The following DCLK3 variants were observed in gnomAD, a reference collection of about 807,000 sequenced individuals.
The protein encoded by DCLK3 is serine/threonine-protein kinase DCLK3.
A neutral mutation model predicts 46.4 loss-of-function variants in DCLK3; 30 were observed. That is an observed-to-expected ratio of 0.65 (90% CI 0.48 to 0.88). DCLK3 has a LOEUF of 0.88. DCLK3 is among the 40% of genes least tolerant of loss of function. The pLI, the probability that DCLK3 is intolerant of heterozygous loss-of-function variation, is 0.00. For missense variants in DCLK3, 846 were observed against 907.1 expected (o/e 0.93, Z 0.87); for synonymous variants, 401 against 339.2 (o/e 1.18, Z -2.00).
At chr3:36,746,886 C>T (rs1283493052) in intron 1 of DCLK3, among the ~76,000 whole-genome samples, 3 of 152,160 alleles carry the variant, frequency 2.0e-5, no homozygotes, top group Admixed American at 6.5e-5. Flanking sequence ...CTGGGTGGGG[C>T]CTGACAGTCT....
At chr3:36,729,232 G>C (rs1402919867) in intron 2 of DCLK3, among the ~76,000 whole-genome samples, 1 of 127,908 alleles carries the variant, frequency 7.8e-6, no homozygotes, top group Non-Finnish European at 1.6e-5. Context: ...GGGTTTTCCC[G>C]GGTTGTGTGT....
intron 2 of DCLK3, chr3:36,729,732 A>T (rs1379727326): frequency 6.6e-6 from 1 of 152,170 alleles, no homozygotes; most frequent in African/African-American, 2.4e-5. Flanking sequence ...TATCTTTGCC[A>T]CCTTCTTACT....
chr3:36,762,816 A>C, intron 1 of DCLK3, among the ~76,000 whole-genome samples: 1 of 152,228 alleles, frequency 6.6e-6, no homozygotes, highest in Non-Finnish European at 1.5e-5. Flanking sequence ...AAATGAAAGG[A>C]GTTACAGAAC....
At chr3:36,719,066 T>C (rs1701024882) in intron 3 of DCLK3, among the ~76,000 whole-genome samples, 1 of 152,210 alleles carries the variant, frequency 6.6e-6, no homozygotes. Flanking sequence ...TAAATCCCTA[T>C]GTTGTAATTT....
In DCLK3 at chr3:36,717,238, C is replaced by T. The variant is rs1006909785; in HGVS notation, c.2260+772G>A. On this transcript the variant is annotated intron_variant, in intron 4 of 4. Coordinates refer to ENST00000636136, the MANE Select transcript of DCLK3 (RefSeq NM_001394672.2). ...TTAAGTGGTCCTCCTGCCTCAGCCTCCAGAGCAACTGGGACCACCCCTGGC... is the reference window on the plus strand; with the variant it reads ...TTAAGTGGTCCTCCTGCCTCAGCCTTCAGAGCAACTGGGACCACCCCTGGC... 3.6e-4 allele frequency among the ~76,000 whole-genome samples: 55 copies of T among 152,148 alleles called. 1 individual carries two copies. Among genetic ancestry groups the T allele is most frequent in the Admixed American group, 3.5e-3 (54 of 15,288 alleles).
intron 4 of DCLK3, among the ~76,000 whole-genome samples, chr3:36,717,298 G>A (rs902987418): frequency 2.0e-5 from 3 of 151,958 alleles, no homozygotes; most frequent in Non-Finnish European, 2.9e-5. Flanking sequence ...AAGGGGTATC[G>A]CCAGTTGCCC....
At chr3:36,730,191 TATACACACAC>T (rs1473958625) in intron 2 of DCLK3, among the ~76,000 whole-genome samples, 11 of 108,882 alleles carry the variant, frequency 1.0e-4, no homozygotes, top group South Asian at 5.7e-4. Flanking sequence ...ATACACCATA[TATACACACAC>T]ACACACACAC....
At chr3:36,725,167 G>A (rs867217688) in intron 2 of DCLK3, among the ~76,000 whole-genome samples, 25 of 152,038 alleles carry the variant, frequency 1.6e-4, no homozygotes, top group Non-Finnish European at 2.9e-4. Context: ...CAAAAAATTA[G>A]CCAGCCTGAT....
intron 2 of DCLK3, among the ~76,000 whole-genome samples, chr3:36,723,379 A>G (rs1347123259): frequency 1.3e-5 from 2 of 152,240 alleles, no homozygotes; most frequent in African/African-American, 4.8e-5. Flanking sequence ...CCATTTTCCA[A>G]GGATAAATTA....
At chr3:36,760,057 C>A (rs1339556845) in intron 1 of DCLK3, among the ~76,000 whole-genome samples, 1 of 152,230 alleles carries the variant, frequency 6.6e-6, no homozygotes, top group Admixed American at 6.5e-5. Flanking sequence ...GAATTTCCTC[C>A]AGGAGGCTGG....
At chr3:36,753,134 AAC>A (rs1701457804) in intron 1 of DCLK3, among the ~76,000 whole-genome samples, 1 of 152,244 alleles carries the variant, frequency 6.6e-6, no homozygotes, top group East Asian at 1.9e-4. Context: ...AGGTTAAAAA[AAC>A]ACAATGCCAA....
chr3:36,761,579 CG>C (rs979550898), intron 1 of DCLK3, among the ~76,000 whole-genome samples: 1 of 152,186 alleles, frequency 6.6e-6, no homozygotes, highest in African/African-American at 2.4e-5. Context: ...CACCAGCAGA[CG>C]GGCAAAATTT....
At position 36,721,609 on chromosome 3, in the gene DCLK3, T is replaced by C; in HGVS notation, c.2010A>G (p.Gly670=). Residue 670 remains glycine, a synonymous_variant, in exon 3 of 5, where the codon GGA becomes GGG. Coordinates refer to ENST00000636136, the MANE Select transcript of DCLK3 (RefSeq NM_001394672.2). ...TAGGTCTCACCACATGCTTTGCAAGTCCAAAATCAGCCAATTTCAAGGTAG... is the reference window on the plus strand; with the variant it reads ...TAGGTCTCACCACATGCTTTGCAAGCCCAAAATCAGCCAATTTCAAGGTAG... The part of the protein sequence containing the change: ...KSTTLKLADF[G]LAKHVVRPIF... 6.2e-7 allele frequency: 1 copy of C among 1,614,156 alleles called. No individual in the cohort carries two copies. Among genetic ancestry groups the C allele is most frequent in the Non-Finnish European group, 8.5e-7 (1 of 1,180,022 alleles).
At chr3:36,747,111 C>T (rs553537477) in intron 1 of DCLK3, among the ~76,000 whole-genome samples, 3 of 152,068 alleles carry the variant, frequency 2.0e-5, no homozygotes, top group Non-Finnish European at 4.4e-5. Flanking sequence ...AGCCACGGTT[C>T]CTTTGACAAA....
At chr3:36,734,472 A>ATATGGCTGCATAT (rs1387228560) in intron 2 of DCLK3, among the ~76,000 whole-genome samples, 2 of 152,186 alleles carry the variant, frequency 1.3e-5, no homozygotes, top group Non-Finnish European at 2.9e-5. Context: ...AGCTTTCTAC[A>ATATGGCTGCATAT]GTTTCTGAAG....
At position 36,737,887 on chromosome 3, in the gene DCLK3, C is replaced by T; in HGVS notation, c.1280G>A (p.Arg427Lys). Residue 427 changes from arginine to lysine, a missense_variant, in exon 2 of 5, where the codon AGG (arginine) becomes AAG (lysine). Around this residue, in one of 3 missense-constraint regions of DCLK3, gnomAD observed 553 missense variants for 543.0 expected, o/e 1.02. Coordinates refer to ENST00000636136, the MANE Select transcript of DCLK3 (RefSeq NM_001394672.2). The surrounding 1 kb of genome is among the most constrained non-coding windows in gnomAD (Gnocchi z 4.4). Reference protein sequence around the residue: ...EVLPVTEEGLREVKKDTRPMS... With the variant: ...EVLPVTEEGLKEVKKDTRPMS... ...GGGCCTGGTGTCCTTCTTCACCTCCCTCAGCCCCTCCTCTGTGACAGGAAG... is the reference window on the plus strand; with the variant it reads ...GGGCCTGGTGTCCTTCTTCACCTCCTTCAGCCCCTCCTCTGTGACAGGAAG... 1 of 1,614,040 alleles carries T rather than the reference C, an allele frequency of 6.2e-7. No individual in the cohort carries two copies. Among genetic ancestry groups the T allele is most frequent in the South Asian group, 1.1e-5 (1 of 91,078 alleles).
rs779849738 is a variant in DCLK3 at position 36,738,703 on chromosome 3, C to T, written c.464G>A (p.Arg155Lys). 1.8e-5 allele frequency: 24 copies of T among 1,323,434 alleles called. No homozygotes were observed. The highest frequency in any genetic ancestry group is 1.4e-4 in the East Asian group (5 of 35,770). The allele number at this position is 1,323,434 out of a possible 1,614,324, so 82.0% of individuals were successfully genotyped here. ...KLFNLKGREI[R>K]SVSDFFREGD... ...TTCCCTGAAGAAATCAGAGACGCTC[C>T]TGATTTCCCTGCCCTTGAGGTTAAA... Residue 155 changes from arginine (R) to lysine (K), a missense_variant, in exon 2 of 5, where the codon AGG becomes AAG. By Grantham distance (26) the Arg-to-Lys change is conservative. Transcript: ENST00000636136.
At position 36,712,459 on chromosome 3, in the gene DCLK3, C is replaced by T. The variant is rs1239218493; in HGVS notation, c.*2869G>A. On this transcript the variant is annotated 3_prime_UTR_variant, in exon 5 of 5. Transcript: ENST00000636136. ...ACTTTATTGAGGTATAATTGACACA[C>T]AATAAACTGCACATAACAAAAGTGT... The T allele has an allele frequency of 6.6e-6, 1 of 152,158 alleles. No individual in the cohort carries two copies. Among genetic ancestry groups the T allele is most frequent in the Non-Finnish European group, 1.5e-5 (1 of 68,024 alleles). The allele number at this position is 152,158 out of a possible 1,614,324, so 9.4% of individuals were successfully genotyped here.
Position 36,738,011 on chromosome 3 carries a change from G to C in DCLK3, c.1156C>G (p.Pro386Ala), listed in dbSNP as rs565552216. The C allele has an allele frequency of 6.2e-7, 1 of 1,614,074 alleles. No homozygotes were observed. Among genetic ancestry groups the C allele is most frequent in the Non-Finnish European group, 8.5e-7 (1 of 1,180,014 alleles). ...TCTTTCTTGTCCATGCTCTTGCTGG[G>C]TCTCCTCAGCTCTTGAGTGGGATTC... is the stretch of plus-strand genomic sequence containing the variant. ...PRNPTQELRRPSKSMDKKEDR... is the reference protein window; with the variant it reads ...PRNPTQELRRASKSMDKKEDR... The change falls in exon 2 of 5, where the codon CCC becomes GCC. Residue 386 changes from proline (P) to alanine (A), a missense_variant. This residue lies in a region of DCLK3 where 553 missense variants were observed against 543.0 expected (regional missense o/e 1.02). Transcript: ENST00000636136.
Sources: gnomAD v4.1 joint callset for allele counts (sites outside exome capture counted in the v4.1 genomes callset) on GRCh38, gnomAD v4.1.1 for gene constraint, gnomAD v4.1.1 regional missense constraint, Gnocchi (gnomAD v3.1) non-coding constraint, MANE v1.5 for transcripts, NCBI Gene and HGNC (gene_info 2026-07-23, HGNC 2026-07-21) for gene names.